Variants in KALRN observed in about 807,000 individuals in gnomAD.
KALRN encodes kalirin RhoGEF kinase.
In KALRN, 70 loss-of-function variants were observed where a neutral mutation model predicts 353.7. That is an observed-to-expected ratio of 0.20 (90% CI 0.16 to 0.24). The LOEUF (loss-of-function observed/expected upper bound fraction) is 0.24. KALRN is among the 10% of genes least tolerant of loss of function. The pLI is 1.00. For synonymous variants in KALRN, 1,391 were observed against 1,434.8 expected (o/e 0.97, Z 0.69); for missense variants, 2,791 against 3,756.7 (o/e 0.74, Z 6.72).
intron 1 of KALRN, among the ~76,000 whole-genome samples, chr3:124,132,615 G>A (rs754021486): frequency 4.3e-4 from 65 of 152,328 alleles, no homozygotes; most frequent in South Asian, 1.7e-3. Flanking sequence ...AGGAAGAGGA[G>A]GATGATGAGG....
chr3:124,242,811 G>A (rs1318455008), intron 3 of KALRN, among the ~76,000 whole-genome samples: 1 of 152,086 alleles, frequency 6.6e-6, no homozygotes, highest in African/African-American at 2.4e-5. Flanking sequence ...TGGTGTTGGG[G>A]TCCTTCACAG....
intron 6 of KALRN, among the ~76,000 whole-genome samples, chr3:124,301,944 C>A (rs569450076): frequency 6.6e-6 from 1 of 152,176 alleles, no homozygotes. Context: ...TTTTACCACA[C>A]GGAAATAGGC....
chr3:124,148,219 G>C (rs1336747369), intron 1 of KALRN, among the ~76,000 whole-genome samples: 1 of 152,092 alleles, frequency 6.6e-6, no homozygotes, highest in Non-Finnish European at 1.5e-5. Context: ...TTTGTTTTTA[G>C]TACTAGATCA....
In KALRN at chr3:124,571,824, C is replaced by T. The variant is rs139880335; in HGVS notation, c.5182+8735C>T. On this transcript the variant is annotated intron_variant, in intron 34 of 59. Transcript: ENST00000682506. ...GTATTTTTTTGTAGAGATGAGGTTTCGCCATGTTGCCCAGGCTGGTCTCGA... is the reference window on the plus strand; with the variant it reads ...GTATTTTTTTGTAGAGATGAGGTTTTGCCATGTTGCCCAGGCTGGTCTCGA... Among the ~76,000 whole-genome samples, 287 of 151,588 alleles carry T rather than the reference C, an allele frequency of 1.9e-3. 1 individual carries two copies. The highest frequency in any genetic ancestry group is 4.1e-3 in the Admixed American group (63 of 15,232).
At chr3:124,328,122 C>T (rs1208725677) in intron 7 of KALRN, among the ~76,000 whole-genome samples, 1 of 152,172 alleles carries the variant, frequency 6.6e-6, no homozygotes, top group Non-Finnish European at 1.5e-5. Flanking sequence ...CTATTTCCAC[C>T]TAAGAACTTC....
At chr3:124,328,735 G>T (rs145544469) in intron 7 of KALRN, among the ~76,000 whole-genome samples, 103 of 152,304 alleles carry the variant, frequency 6.8e-4, no homozygotes, top group African/African-American at 2.5e-3. Context: ...GCAAACGGTT[G>T]CTGTACCAGA....
At chr3:124,384,763 G>C in intron 10 of KALRN, 82 bp from the exon 11 acceptor site, 2 of 1,375,358 alleles carry the variant, frequency 1.5e-6, no homozygotes, top group Non-Finnish European at 2.0e-6. Flanking sequence ...ACGCCCCTCC[G>C]CTTCAGCTCC....
chr3:124,434,249 C>T, intron 16 of KALRN, 58 bp from the exon 17 acceptor site: 2 of 1,392,854 alleles, frequency 1.4e-6, no homozygotes, highest in Admixed American at 1.7e-5. Context: ...ACTCCACCCC[C>T]TCCCATACCA....
At chr3:124,598,632 G>A (rs13078492) in intron 34 of KALRN, among the ~76,000 whole-genome samples, 23,528 of 151,954 alleles carry the variant, frequency 0.15, 1,952 homozygotes, top group Middle Eastern at 0.19. Context: ...ATTCACACAC[G>A]TTTTGTTTGT....
At chr3:124,127,117 A>G (rs1020000909) in intron 1 of KALRN, among the ~76,000 whole-genome samples, 2 of 152,134 alleles carry the variant, frequency 1.3e-5, no homozygotes, top group African/African-American at 4.8e-5. Flanking sequence ...ATAAATTTCA[A>G]ATTGGTTGCA....
At chr3:124,254,020 T>G (rs1237088673) in intron 3 of KALRN, among the ~76,000 whole-genome samples, 1 of 138,900 alleles carries the variant, frequency 7.2e-6, no homozygotes, top group Non-Finnish European at 1.6e-5. Flanking sequence ...AGATCTCAGG[T>G]GGCATCACAT....
chr3:124,237,310 T>C (rs1579835974), intron 3 of KALRN, among the ~76,000 whole-genome samples: 1 of 151,332 alleles, frequency 6.6e-6, no homozygotes, highest in Non-Finnish European at 1.5e-5. Context: ...TTGTTGGAGG[T>C]GGATTGTTAC....
intron 29 of KALRN, among the ~76,000 whole-genome samples, chr3:124,490,149 T>G (rs1445642): frequency 0.3 from 45,832 of 151,714 alleles, 7,705 homozygotes; most frequent in East Asian, 0.49. Flanking sequence ...ACCCAGCTAC[T>G]TGGGAAGCTA....
intron 32 of KALRN, among the ~76,000 whole-genome samples, chr3:124,496,012 T>TATATATATATACAC (rs1345047394): frequency 1.8e-4 from 8 of 43,692 alleles, no homozygotes; most frequent in African/African-American, 3.6e-4. Context: ...TATATATATA[T>TATATATATATACAC]ACACACACAT....
chr3:124,207,975 C>T (rs1048132151), intron 1 of KALRN, among the ~76,000 whole-genome samples: 1 of 152,200 alleles, frequency 6.6e-6, no homozygotes, highest in South Asian at 2.1e-4. Context: ...GGTCTGCCTG[C>T]TGGCTTTACC....
chr3:124,479,077 C>T (rs551707816), intron 27 of KALRN, among the ~76,000 whole-genome samples: 1 of 152,356 alleles, frequency 6.6e-6, no homozygotes, highest in South Asian at 2.1e-4. Context: ...CTGTTACTCA[C>T]ATCTCCCTCC....
At chr3:124,150,121 GT>G (rs1296782871) in intron 1 of KALRN, among the ~76,000 whole-genome samples, 2 of 152,256 alleles carry the variant, frequency 1.3e-5, no homozygotes. Context: ...TATTAGGGTT[GT>G]TAATCTTCAT....
At chr3:124,057,608 A>G (rs915578472) in intron 1 of KALRN, among the ~76,000 whole-genome samples, 3 of 152,000 alleles carry the variant, frequency 2.0e-5, no homozygotes, top group African/African-American at 7.3e-5. Context: ...CCCTGCCTGC[A>G]CTTGTGCGCG....
intron 33 of KALRN, among the ~76,000 whole-genome samples, chr3:124,539,927 G>GA (rs1251244963): frequency 7.1e-6 from 1 of 141,456 alleles, no homozygotes; most frequent in African/African-American, 2.8e-5. Flanking sequence ...TTTTTTGGGG[G>GA]GGGGGACAGG....
Sources: gnomAD v4.1 joint callset for allele counts (sites outside exome capture counted in the v4.1 genomes callset) on GRCh38, gnomAD v4.1.1 for gene constraint, MANE v1.5 for transcripts, NCBI Gene and HGNC (gene_info 2026-07-23, HGNC 2026-07-21) for gene names.